DIP2C: variants seen among roughly 807,000 people sequenced by gnomAD.
The protein encoded by DIP2C is DIP2 acetate--CoA ligase C (putative).
DIP2C carries 33 observed loss-of-function variants against 192.4 expected under a neutral mutation model. That is an observed-to-expected ratio of 0.17 (90% CI 0.13 to 0.23). The LOEUF (loss-of-function observed/expected upper bound fraction) is 0.23. Among genes scored for constraint, DIP2C ranks in the 10% least tolerant of loss-of-function variants. The pLI is 1.00. For missense variants in DIP2C, 1,537 were observed against 2,110.1 expected (o/e 0.73, Z 5.32); for synonymous variants, 979 against 864.1 (o/e 1.13, Z -2.33).
chr10:580,717 T>G (rs1425782921), intron 1 of DIP2C, among the ~76,000 whole-genome samples: 1 of 152,214 alleles, frequency 6.6e-6, no homozygotes, highest in Admixed American at 6.5e-5. Context: ...CAGAAAGGCT[T>G]CCAGTTCCAC....
chr10:398,520 C>G (rs1324239658), intron 10 of DIP2C, among the ~76,000 whole-genome samples: 1 of 152,200 alleles, frequency 6.6e-6, no homozygotes, highest in Non-Finnish European at 1.5e-5. Context: ...AAAGCTGCAG[C>G]CGGACCACCC....
chr10:513,816 C>A (rs542575754), intron 1 of DIP2C, among the ~76,000 whole-genome samples: 1 of 152,186 alleles, frequency 6.6e-6, no homozygotes, highest in African/African-American at 2.4e-5. Flanking sequence ...AAAACCTAAT[C>A]GAACCTCTCA....
At chr10:559,630 CT>C (rs1849092190) in intron 1 of DIP2C, among the ~76,000 whole-genome samples, 2 of 152,212 alleles carry the variant, frequency 1.3e-5, no homozygotes, top group Admixed American at 1.3e-4. Flanking sequence ...TCCCCAAAGG[CT>C]CTGGCCCAGA....
chr10:625,510 G>T (rs527809786), intron 1 of DIP2C, among the ~76,000 whole-genome samples: 1 of 152,132 alleles, frequency 6.6e-6, no homozygotes, highest in East Asian at 1.9e-4. Context: ...CCCCTACGGG[G>T]AGCCTGCCCT....
chr10:509,568 T>C (rs1845871388), intron 1 of DIP2C, among the ~76,000 whole-genome samples: 1 of 152,170 alleles, frequency 6.6e-6, no homozygotes, highest in Non-Finnish European at 1.5e-5. Context: ...TCTCAGGGAC[T>C]CTGTGCGGTA....
At chr10:397,624 G>A (rs116527948) in intron 10 of DIP2C, among the ~76,000 whole-genome samples, 2,034 of 152,090 alleles carry the variant, frequency 0.013, 28 homozygotes, top group African/African-American at 0.039. Context: ...CTTGGGGCGC[G>A]TGCTGCTGGC....
At chr10:309,989 C>CA (rs756427621) in intron 32 of DIP2C, 42 bp downstream of exon 32, 3 of 1,603,152 alleles carry the variant, frequency 1.9e-6, no homozygotes, top group South Asian at 1.1e-5. Context: ...CAGAACAAAA[C>CA]AAAAAAAGGA....
intron 1 of DIP2C, among the ~76,000 whole-genome samples, chr10:491,654 T>C (rs556119173): frequency 3.3e-4 from 50 of 152,354 alleles, no homozygotes; most frequent in African/African-American, 1.1e-3. Context: ...GGATAAAATA[T>C]TGGAGATAGC....
chr10:638,397 C>T (rs1484149815), intron 1 of DIP2C, among the ~76,000 whole-genome samples: 4 of 152,168 alleles, frequency 2.6e-5, no homozygotes, highest in African/African-American at 7.2e-5. Context: ...GTGGCTCCTT[C>T]GTGCTGACAG....
At chr10:634,102 G>A (rs1053410421) in intron 1 of DIP2C, among the ~76,000 whole-genome samples, 1 of 152,136 alleles carries the variant, frequency 6.6e-6, no homozygotes, top group Non-Finnish European at 1.5e-5. Flanking sequence ...TAGTGATCCC[G>A]CATTATGAAG....
chr10:539,160 CTCA>C (rs1275158261), intron 1 of DIP2C, among the ~76,000 whole-genome samples: 1 of 152,220 alleles, frequency 6.6e-6, no homozygotes, highest in Non-Finnish European at 1.5e-5. Context: ...TATGGCATTT[CTCA>C]TCAATTAAGC....
At chr10:364,332 C>A in intron 20 of DIP2C, 42 bp downstream of exon 20, 1 of 1,577,900 alleles carries the variant, frequency 6.3e-7, no homozygotes, top group Non-Finnish European at 8.6e-7. Flanking sequence ...AAAAATATGG[C>A]CGACCGGAAA....
In DIP2C at chr10:534,001, TAAA is replaced by T. The variant is rs34809873; in HGVS notation, c.86-47474_86-47472del. On this transcript the variant is annotated intron_variant, in intron 1 of 36. Transcript: ENST00000280886. ...GAAGGAATTAGGGTTTGACATGCTT[TAAA>T]AAAAAAAAAAGAGGAACGTTCTATT... Among the ~76,000 whole-genome samples, 47 of 148,670 alleles carry T rather than the reference TAAA, an allele frequency of 3.2e-4. 1 individual carries two copies. In the South Asian group the frequency reaches 3.6e-3, roughly 11 times the overall value.
chr10:564,757 T>C (rs1306437674), intron 1 of DIP2C, among the ~76,000 whole-genome samples: 1 of 152,160 alleles, frequency 6.6e-6, no homozygotes, highest in African/African-American at 2.4e-5. Flanking sequence ...GAACTCAGCC[T>C]ACTCGGCCGA....
chr10:597,088 C>T (rs1234175831), intron 1 of DIP2C, among the ~76,000 whole-genome samples: 5 of 152,260 alleles, frequency 3.3e-5, no homozygotes, highest in African/African-American at 7.2e-5. Flanking sequence ...GGGGCACCAC[C>T]CTGTCCACCC....
At chr10:399,724 G>A (rs1286467172) in intron 9 of DIP2C, among the ~76,000 whole-genome samples, 7 of 152,206 alleles carry the variant, frequency 4.6e-5, no homozygotes, top group African/African-American at 1.7e-4. Flanking sequence ...GGTGGTCAAG[G>A]TCAAATGAGA....
chr10:540,901 G>A (rs1847946023), intron 1 of DIP2C, among the ~76,000 whole-genome samples: 4 of 152,206 alleles, frequency 2.6e-5, no homozygotes, highest in Admixed American at 2.0e-4. Context: ...AGCAAAGCAT[G>A]CATTAGACAC....
chr10:455,506 G>T (rs1356647081), intron 3 of DIP2C, among the ~76,000 whole-genome samples: 1 of 83,272 alleles, frequency 1.2e-5, no homozygotes, highest in African/African-American at 3.4e-5. Context: ...ACCGTGAGGA[G>T]CAAATGAGAT....
At chr10:447,124 A>C (rs1968294476) in intron 3 of DIP2C, among the ~76,000 whole-genome samples, 1 of 152,216 alleles carries the variant, frequency 6.6e-6, no homozygotes. Context: ...CCAGGCCAGA[A>C]ACAAAGGGCT....
Sources: allele counts gnomAD v4.1 joint callset (sites outside exome capture counted in the v4.1 genomes callset), GRCh38; gene constraint gnomAD v4.1.1; transcripts MANE v1.5; gene names NCBI Gene and HGNC (gene_info 2026-07-23, HGNC 2026-07-21).